Variants in KIF5C observed in about 807,000 individuals in gnomAD.
KIF5C encodes kinesin heavy chain isoform 5C.
A neutral mutation model predicts 125.2 loss-of-function variants in KIF5C; 18 were observed. The observed-to-expected ratio is 0.14, with a 90% CI of 0.10 to 0.21. The LOEUF (loss-of-function observed/expected upper bound fraction) is 0.21, where lower values mean the gene tolerates loss of function less well. KIF5C is among the 10% of genes least tolerant of loss of function. The pLI is 1.00. For missense variants in KIF5C, 780 were observed against 1,183.8 expected (o/e 0.66, Z 5.01); for synonymous variants, 405 against 434.0 (o/e 0.93, Z 0.83).
chr2:148,940,252 A>G (rs1033058456), intron 4 of KIF5C, among the ~76,000 whole-genome samples: 1 of 152,212 alleles, frequency 6.6e-6, no homozygotes, highest in Non-Finnish European at 1.5e-5. Context: ...GTGTGGCAGC[A>G]TGAAAGATTA....
chr2:148,974,040 A>G (rs1680992887), intron 12 of KIF5C, among the ~76,000 whole-genome samples: 2 of 152,208 alleles, frequency 1.3e-5, no homozygotes. Flanking sequence ...TGAATGAAGT[A>G]GTTTGTACAT....
At chr2:149,011,726 G>C (rs778145486) in intron 25 of KIF5C, 43 bp downstream of exon 25, 10 of 1,612,036 alleles carry the variant, frequency 6.2e-6, no homozygotes, top group Non-Finnish European at 8.5e-6. Flanking sequence ...TGGAGGCAGA[G>C]GCTTCTTGCC....
intron 3 of KIF5C, among the ~76,000 whole-genome samples, chr2:148,932,794 C>T (rs1194751350): frequency 4.6e-5 from 7 of 152,158 alleles, no homozygotes; most frequent in Non-Finnish European, 1.0e-4. Context: ...TCTGTCTGAA[C>T]GCACGGTGCT....
intron 1 of KIF5C, 56 bp downstream of exon 1, chr2:148,875,799 C>G: frequency 1.3e-6 from 2 of 1,558,012 alleles, no homozygotes; most frequent in Admixed American, 1.9e-5. Context: ...CTGGGCGCCC[C>G]GACGCCCCAG....
At chr2:149,015,799 C>T (rs185083122) in intron 25 of KIF5C, among the ~76,000 whole-genome samples, 39 of 152,282 alleles carry the variant, frequency 2.6e-4, no homozygotes, top group Admixed American at 1.7e-3. Flanking sequence ...GGTTTCCTAC[C>T]GGCTAAGTGG....
chr2:149,005,875 T>C (rs1461721246), intron 22 of KIF5C, among the ~76,000 whole-genome samples: 1 of 152,242 alleles, frequency 6.6e-6, no homozygotes, highest in African/African-American at 2.4e-5. Context: ...GGTCAGAGTT[T>C]ATAAAGCACG....
At chr2:148,996,367 A>T (rs997398520) in intron 17 of KIF5C, among the ~76,000 whole-genome samples, 1 of 152,214 alleles carries the variant, frequency 6.6e-6, no homozygotes, top group Non-Finnish European at 1.5e-5. Context: ...ACCTTGTAAC[A>T]TGTTCTTTGT....
intron 1 of KIF5C, among the ~76,000 whole-genome samples, chr2:148,898,821 A>G (rs1330115044): frequency 6.6e-6 from 1 of 152,238 alleles, no homozygotes; most frequent in Non-Finnish European, 1.5e-5. Context: ...AATTTCTGTT[A>G]ATTTTTTATA....
chr2:148,975,584 G>A (rs2105149973), intron 12 of KIF5C, among the ~76,000 whole-genome samples: 1 of 152,324 alleles, frequency 6.6e-6, no homozygotes, highest in Non-Finnish European at 1.5e-5. Flanking sequence ...CAACCTCAGT[G>A]AATCTATTTA....
At position 148,987,275 on chromosome 2, in the gene KIF5C, T is replaced by C. The variant is rs116042438; in HGVS notation, c.1716+3509T>C. On this transcript the variant is annotated intron_variant, in intron 15 of 25. Transcript: ENST00000435030. ...GCAACATGGGTCCCATGTTCACTTT[T>C]ATTTGGAGACTTAACATTTAAATGT... 7.0e-3 allele frequency among the ~76,000 whole-genome samples: 1,059 copies of C among 152,290 alleles called. 9 individuals are homozygous for C. Among genetic ancestry groups the C allele is most frequent in the African/African-American group, 0.024 (1,003 of 41,558 alleles).
At chr2:148,950,031 G>C in intron 9 of KIF5C, 88 bp downstream of exon 9, 2 of 1,490,772 alleles carry the variant, frequency 1.3e-6, no homozygotes, top group East Asian at 2.5e-5. Flanking sequence ...CACCCCAAAG[G>C]CTGGTTTGTT....
intron 1 of KIF5C, among the ~76,000 whole-genome samples, chr2:148,880,739 T>C (rs903028993): frequency 1.3e-5 from 2 of 152,190 alleles, no homozygotes; most frequent in Non-Finnish European, 2.9e-5. Flanking sequence ...AATTCAGAGA[T>C]GTTTATATCA....
chr2:148,913,638 C>T (rs555769291), intron 1 of KIF5C, among the ~76,000 whole-genome samples: 18 of 152,330 alleles, frequency 1.2e-4, no homozygotes, highest in East Asian at 1.9e-4. Flanking sequence ...TGTGTCACCA[C>T]GTGTTCCCAT....
chr2:148,929,327 T>G lies in KIF5C; in HGVS notation c.264T>G (p.Thr88=). ...YNGTIFAYGQ[T]SSGKTHTMEG... ...GGACGATTTTTGCGTATGGGCAGAC[T>G]TCATCAGGAAAAACCCACACCATGG... Residue 88 remains threonine, a synonymous_variant, in exon 3 of 26, where the codon ACT becomes ACG. Transcript: ENST00000435030. The G allele has an allele frequency of 6.5e-7, 1 of 1,536,118 alleles. No homozygotes were observed. The highest frequency in any genetic ancestry group is 8.7e-7 in the Non-Finnish European group (1 of 1,145,876).
chr2:148,966,247 A>C (rs1683046305), intron 11 of KIF5C, among the ~76,000 whole-genome samples: 2 of 152,090 alleles, frequency 1.3e-5, no homozygotes, highest in Non-Finnish European at 2.9e-5. Flanking sequence ...CCTGGGAAAA[A>C]GATTTCTTTC....
chr2:148,987,840 C>G (rs1681423246), intron 15 of KIF5C, among the ~76,000 whole-genome samples: 1 of 152,106 alleles, frequency 6.6e-6, no homozygotes, highest in Admixed American at 6.5e-5. Flanking sequence ...TCTTTTTGTC[C>G]CATTCTAACT....
chr2:148,990,777 G>C (rs1161913991), intron 15 of KIF5C, among the ~76,000 whole-genome samples: 1 of 152,194 alleles, frequency 6.6e-6, no homozygotes. Context: ...TGATGGTAAT[G>C]AAAAACCTAG....
chr2:148,904,282 G>A (rs1210824201), intron 1 of KIF5C, among the ~76,000 whole-genome samples: 4 of 152,208 alleles, frequency 2.6e-5, no homozygotes, highest in African/African-American at 9.7e-5. Context: ...GAGCACAAGC[G>A]TTAAGAGCAC....
chr2:148,948,550 G>A (rs1355453467), intron 8 of KIF5C, among the ~76,000 whole-genome samples: 1 of 152,180 alleles, frequency 6.6e-6, no homozygotes, highest in East Asian at 1.9e-4. Flanking sequence ...TTTATGAGGT[G>A]TTTGAAATCA....
Sources: gnomAD v4.1 joint callset for allele counts (sites outside exome capture counted in the v4.1 genomes callset) on GRCh38, gnomAD v4.1.1 for gene constraint, MANE v1.5 for transcripts, NCBI Gene and HGNC (gene_info 2026-07-23, HGNC 2026-07-21) for gene names.